Variants in RAD54L2 observed in about 807,000 individuals in gnomAD.
RAD54L2 encodes helicase ARIP4.
In RAD54L2, 27 loss-of-function variants were observed where a neutral mutation model predicts 138.4. The observed-to-expected ratio is 0.20, with a 90% CI of 0.14 to 0.27. RAD54L2 has a LOEUF of 0.27. RAD54L2 is among the 10% of genes least tolerant of loss of function. The probability of loss-of-function intolerance (pLI) is 1.00; values close to 1 mark genes in which losing one functional copy is unlikely to be tolerated. For synonymous variants in RAD54L2, 644 were observed against 723.2 expected, an observed-to-expected ratio of 0.89 and a Z score of 1.76; for missense variants, 1,396 against 1,890.2, an observed-to-expected ratio of 0.74 and a Z score of 4.85.
intron 3 of RAD54L2, among the ~76,000 whole-genome samples, chr3:51,599,921 A>G (rs1341403658): frequency 2.0e-5 from 3 of 150,850 alleles, no homozygotes; most frequent in Non-Finnish European, 3.0e-5. Context: ...CCTGGCCCCA[A>G]GTAACTTTTT....
chr3:51,565,393 G>C (rs1006508645), intron 2 of RAD54L2, among the ~76,000 whole-genome samples: 1 of 152,136 alleles, frequency 6.6e-6, no homozygotes, highest in Non-Finnish European at 1.5e-5. Flanking sequence ...GTGACAAAAT[G>C]AGACCTTGTC....
Position 51,663,446 on chromosome 3 carries a change from T to C in RAD54L2, c.*26T>C. 1 of 1,597,502 alleles carries C rather than the reference T, an allele frequency of 6.3e-7. No individual in the cohort carries two copies. The highest frequency in any genetic ancestry group is 8.5e-7 in the Non-Finnish European group (1 of 1,169,650). On this transcript the variant is annotated 3_prime_UTR_variant, in exon 23 of 23. Transcript: ENST00000684192. ...CTAGGGAGCCCCTCCCCACCTCACTTGGGGCCCCCAGCAGGTTGCCCACCA... is the reference window on the plus strand; with the variant it reads ...CTAGGGAGCCCCTCCCCACCTCACTCGGGGCCCCCAGCAGGTTGCCCACCA...
intron 3 of RAD54L2, among the ~76,000 whole-genome samples, chr3:51,601,845 G>GT (rs201636576): frequency 6.6e-6 from 1 of 151,104 alleles, no homozygotes; most frequent in East Asian, 1.9e-4. Context: ...CATTTCATGT[G>GT]TTTTTTTGTT....
At chr3:51,570,140 T>A (rs868185982) in intron 2 of RAD54L2, among the ~76,000 whole-genome samples, 155 of 123,900 alleles carry the variant, frequency 1.3e-3, no homozygotes, top group Admixed American at 2.3e-3. Context: ...GCCTTTTTAA[T>A]TTTTTTTTTT....
In RAD54L2 at chr3:51,662,830, T is replaced by C; in HGVS notation, c.3814T>C (p.Ser1272Pro). Reference sequence around the variant, plus strand: ...TGCCCAGGAGTCATCCCGCCGGCGGTCCAGGAAGGGTCATCTGCCAGCCCC... The same window carrying C: ...TGCCCAGGAGTCATCCCGCCGGCGGCCCAGGAAGGGTCATCTGCCAGCCCC... ...PAAQESSRRR[S>P]RKGHLPAPVQ... Residue 1272 changes from serine (S) to proline (P), a missense_variant, in exon 23 of 23, where the codon TCC (serine) becomes CCC (proline). Ser to Pro is a moderately conservative substitution (Grantham distance 74). This residue lies in a region of RAD54L2 where 634 missense variants were observed against 711.2 expected (regional missense o/e 0.89). Transcript: ENST00000684192. This position sits in a 1 kb window ranked among gnomAD's most constrained non-coding sequence, Gnocchi z 4.6. 13 of 1,612,596 alleles carry C rather than the reference T, an allele frequency of 8.1e-6. No homozygotes were observed. Among genetic ancestry groups the C allele is most frequent in the Non-Finnish European group, 1.0e-5 (12 of 1,179,460 alleles).
chr3:51,658,887 A>G (rs1296746358), intron 21 of RAD54L2, among the ~76,000 whole-genome samples: 2 of 151,992 alleles, frequency 1.3e-5, no homozygotes, highest in Non-Finnish European at 2.9e-5. Context: ...CGAGATAAGA[A>G]TGGGTTTAAC....
At position 51,638,050 on chromosome 3, in the gene RAD54L2, G is replaced by A. The variant is rs1042393657; in HGVS notation, c.1683-94G>A. The A allele has an allele frequency of 1.2e-4, 136 of 1,157,264 alleles. No homozygotes were observed. The highest frequency in any genetic ancestry group is 1.6e-4 in the Non-Finnish European group (131 of 805,962). 71.7% of individuals were successfully genotyped at this position (1,157,264 alleles called of 1,614,324 possible). ...TGCATGTTGAGATCCTCAAGAGGGA[G>A]GTGTGGCAGGAGTGCAAAAGGCTCT... On this transcript the variant is annotated intron_variant, in intron 11 of 22. Transcript: ENST00000684192. This position sits in a 1 kb window ranked among gnomAD's most constrained non-coding sequence, Gnocchi z 4.3.
chr3:51,648,340 G>C (rs912767246), intron 19 of RAD54L2, among the ~76,000 whole-genome samples: 1 of 152,354 alleles, frequency 6.6e-6, no homozygotes, highest in South Asian at 2.1e-4. Context: ...AGGCCTGCCT[G>C]CCTCTGTAGA....
intron 3 of RAD54L2, among the ~76,000 whole-genome samples, chr3:51,602,033 T>C (rs1248633077): frequency 1.3e-5 from 2 of 152,028 alleles, no homozygotes; most frequent in East Asian, 3.9e-4. Context: ...GGTTTCACCA[T>C]GTTGGCCAGG....
At chr3:51,655,318 C>CA (rs1559655843) in intron 19 of RAD54L2, among the ~76,000 whole-genome samples, 1 of 151,952 alleles carries the variant, frequency 6.6e-6, no homozygotes, top group Non-Finnish European at 1.5e-5. Flanking sequence ...CTTTTGTACA[C>CA]ACTGCTTTGG....
At chr3:51,615,489 T>C (rs148074251) in intron 3 of RAD54L2, among the ~76,000 whole-genome samples, 1 of 152,352 alleles carries the variant, frequency 6.6e-6, no homozygotes, top group East Asian at 1.9e-4. Context: ...TATTTTACTC[T>C]AGCGGCAAAA....
chr3:51,654,987 G>A (rs1248466354), intron 19 of RAD54L2, among the ~76,000 whole-genome samples: 2 of 152,104 alleles, frequency 1.3e-5, no homozygotes, highest in Non-Finnish European at 2.9e-5. Context: ...ACCATCCTAG[G>A]AAGACACTGG....
rs574879645 is a variant in RAD54L2 at position 51,558,259 on chromosome 3, T to C, written c.-55+16609T>C. Among the ~76,000 whole-genome samples, 38 of 152,288 alleles carry C rather than the reference T, an allele frequency of 2.5e-4. No homozygotes were observed. The South Asian group carries it at 7.7e-3, about 31-fold the overall frequency. On this transcript the variant is annotated intron_variant, in intron 2 of 22. Coordinates refer to ENST00000684192, the MANE Select transcript of RAD54L2 (RefSeq NM_015106.4). ...AGCCCAAATTTCTCCACCAGAGACG[T>C]GTGACCTGCCCTTATCTGTCAGTTG...
chr3:51,619,764 A>C (rs1700527373), intron 3 of RAD54L2, among the ~76,000 whole-genome samples: 1 of 152,194 alleles, frequency 6.6e-6, no homozygotes, highest in Non-Finnish European at 1.5e-5. Flanking sequence ...TCTGAAGGTA[A>C]GCAATTTAGG....
At chr3:51,623,537 T>C (rs373659755) in intron 3 of RAD54L2, among the ~76,000 whole-genome samples, 35 of 152,334 alleles carry the variant, frequency 2.3e-4, no homozygotes, top group African/African-American at 8.4e-4. Flanking sequence ...TCCATAAACA[T>C]AGAGCTACAG....
intron 3 of RAD54L2, among the ~76,000 whole-genome samples, chr3:51,608,169 C>A (rs1163836419): frequency 2.0e-5 from 3 of 149,634 alleles, no homozygotes. Flanking sequence ...GGGGCAGAGA[C>A]ACTCCTCAGT....
chr3:51,609,461 A>G (rs1297162688), intron 3 of RAD54L2, among the ~76,000 whole-genome samples: 1 of 152,150 alleles, frequency 6.6e-6, no homozygotes, highest in Non-Finnish European at 1.5e-5. Flanking sequence ...AATTCTTATC[A>G]TCATTAAGGT....
chr3:51,644,102 A>G (rs1701209700), intron 16 of RAD54L2, 128 bp downstream of exon 16: 4 of 715,718 alleles, frequency 5.6e-6, no homozygotes, highest in Non-Finnish European at 9.1e-6. Flanking sequence ...TTCTGGGGTC[A>G]GAGAGGGAAC....
At chr3:51,558,045 C>T (rs955495995) in intron 2 of RAD54L2, among the ~76,000 whole-genome samples, 2 of 151,746 alleles carry the variant, frequency 1.3e-5, no homozygotes, top group Non-Finnish European at 1.5e-5. Flanking sequence ...AGGGTTTTAC[C>T]GTGTTGCCCA....
Sources: gnomAD v4.1 joint callset for allele counts (sites outside exome capture counted in the v4.1 genomes callset) on GRCh38, gnomAD v4.1.1 for gene constraint, gnomAD v4.1.1 regional missense constraint, Gnocchi (gnomAD v3.1) non-coding constraint, MANE v1.5 for transcripts, NCBI Gene and HGNC (gene_info 2026-07-23, HGNC 2026-07-21) for gene names.